The following ADGRB3 variants were observed in gnomAD, a reference collection of about 807,000 sequenced individuals.
ADGRB3 encodes brain-specific angiogenesis inhibitor 3.
ADGRB3 carries 37 observed loss-of-function variants against 193.4 expected under a neutral mutation model. That is an observed-to-expected ratio of 0.19 (90% confidence interval 0.15 to 0.25). The LOEUF is 0.25. ADGRB3 is among the 10% of genes least tolerant of loss of function. ADGRB3 has a pLI of 1.00. For synonymous variants in ADGRB3, 690 were observed against 644.2 expected, an observed-to-expected ratio of 1.07 and a Z score of -1.08; for missense variants, 1,637 against 1,852.9, an observed-to-expected ratio of 0.88 and a Z score of 2.14.
At chr6:68,800,133 G>C (rs1767284067) in intron 3 of ADGRB3, among the ~76,000 whole-genome samples, 1 of 152,110 alleles carries the variant, frequency 6.6e-6, no homozygotes, top group African/African-American at 2.4e-5. Flanking sequence ...CTTGGACTAG[G>C]AAGATAGTGA....
At chr6:68,660,761 T>A (rs924586166) in intron 3 of ADGRB3, among the ~76,000 whole-genome samples, 3 of 151,158 alleles carry the variant, frequency 2.0e-5, no homozygotes, top group African/African-American at 7.3e-5. Flanking sequence ...GTAATTCCAA[T>A]TTTTAAGATC....
chr6:68,815,225 A>T (rs1185047886), intron 3 of ADGRB3, among the ~76,000 whole-genome samples: 1 of 152,128 alleles, frequency 6.6e-6, no homozygotes, highest in East Asian at 1.9e-4. Flanking sequence ...TGAGTGTTCA[A>T]TGGGGAGTTT....
intron 3 of ADGRB3, among the ~76,000 whole-genome samples, chr6:68,665,226 A>T (rs1389118324): frequency 1.3e-5 from 2 of 151,264 alleles, no homozygotes; most frequent in African/African-American, 4.9e-5. Flanking sequence ...TATAGAAATG[A>T]TCCCTGAAAG....
intron 3 of ADGRB3, among the ~76,000 whole-genome samples, chr6:68,815,723 C>T (rs564028361): frequency 2.6e-5 from 4 of 151,074 alleles, no homozygotes; most frequent in African/African-American, 7.3e-5. Context: ...AAATCATTGG[C>T]CTTCAATACA....
chr6:69,301,981 G>T (rs1767958260), intron 20 of ADGRB3, among the ~76,000 whole-genome samples: 1 of 151,898 alleles, frequency 6.6e-6, no homozygotes, highest in South Asian at 2.1e-4. Context: ...GCAAAGAATG[G>T]TTTGATGCTT....
intron 5 of ADGRB3, among the ~76,000 whole-genome samples, chr6:68,942,858 A>G (rs1367258494): frequency 6.6e-6 from 1 of 152,138 alleles, no homozygotes; most frequent in African/African-American, 2.4e-5. Context: ...TGATCTGCCC[A>G]TCTTGGCCTC....
At chr6:69,179,092 A>G (rs1285807830) in intron 17 of ADGRB3, among the ~76,000 whole-genome samples, 1 of 152,136 alleles carries the variant, frequency 6.6e-6, no homozygotes, top group Admixed American at 6.5e-5. Flanking sequence ...AGTAATTTGT[A>G]TGTTTGGTCA....
intron 3 of ADGRB3, among the ~76,000 whole-genome samples, chr6:68,727,094 G>A (rs1487028101): frequency 6.6e-6 from 1 of 151,470 alleles, no homozygotes; most frequent in Non-Finnish European, 1.5e-5. Context: ...TAAGCATTTG[G>A]GTTTGTGATC....
At chr6:69,253,825 C>T (rs1249897613) in intron 20 of ADGRB3, among the ~76,000 whole-genome samples, 1 of 152,058 alleles carries the variant, frequency 6.6e-6, no homozygotes, top group East Asian at 1.9e-4. Context: ...GATTTATTTT[C>T]TTTGAATTTC....
intron 3 of ADGRB3, among the ~76,000 whole-genome samples, chr6:68,745,296 A>C (rs1766061877): frequency 1.3e-5 from 2 of 152,212 alleles, no homozygotes; most frequent in Admixed American, 1.3e-4. Context: ...CATAAGCAAC[A>C]ACATGGATGA....
intron 3 of ADGRB3, among the ~76,000 whole-genome samples, chr6:68,661,237 G>T (rs1426841590): frequency 6.8e-6 from 1 of 146,610 alleles, no homozygotes; most frequent in East Asian, 2.0e-4. Flanking sequence ...AAAATGAGAA[G>T]ATTATTTAAG....
At chr6:69,318,960 C>T (rs1479797990) in intron 20 of ADGRB3, among the ~76,000 whole-genome samples, 1 of 150,696 alleles carries the variant, frequency 6.6e-6, no homozygotes, top group South Asian at 2.1e-4. Flanking sequence ...GCCAAGGTTT[C>T]GCTGCTTTAT....
At chr6:68,821,221 G>A (rs1582229273) in intron 3 of ADGRB3, among the ~76,000 whole-genome samples, 1 of 151,852 alleles carries the variant, frequency 6.6e-6, no homozygotes, top group East Asian at 1.9e-4. Context: ...ACCATGTCTT[G>A]CAGCAGTTAT....
chr6:69,212,208 T>C (rs1478550002), intron 17 of ADGRB3, among the ~76,000 whole-genome samples: 1 of 152,216 alleles, frequency 6.6e-6, no homozygotes, highest in Non-Finnish European at 1.5e-5. Context: ...TATTTGCCTG[T>C]GAAACGTGTT....
intron 3 of ADGRB3, among the ~76,000 whole-genome samples, chr6:68,850,955 G>A (rs548829582): frequency 1.3e-5 from 2 of 152,024 alleles, no homozygotes; most frequent in South Asian, 2.1e-4. Context: ...TCACATTTGA[G>A]CTCATTTTTG....
chr6:69,185,882 TA>T (rs528432733), intron 17 of ADGRB3, among the ~76,000 whole-genome samples: 132 of 152,220 alleles, frequency 8.7e-4, no homozygotes, highest in African/African-American at 3.1e-3. Flanking sequence ...GTATTTCCAA[TA>T]AAAAAATCTG....
intron 3 of ADGRB3, among the ~76,000 whole-genome samples, chr6:68,756,600 CA>C (rs768737835): frequency 6.6e-6 from 1 of 151,530 alleles, no homozygotes; most frequent in African/African-American, 2.4e-5. Context: ...TATTCAATAC[CA>C]AAAAAAATGA....
At chr6:68,762,957 A>G (rs1231198672) in intron 3 of ADGRB3, among the ~76,000 whole-genome samples, 1 of 152,244 alleles carries the variant, frequency 6.6e-6, no homozygotes, top group Admixed American at 6.5e-5. Flanking sequence ...TTTAAAACTT[A>G]GCCTGACTCC....
chr6:68,964,435 TCTCCCAGTGTGC>T (rs1027578327), intron 8 of ADGRB3, among the ~76,000 whole-genome samples: 2 of 152,072 alleles, frequency 1.3e-5, no homozygotes, highest in Non-Finnish European at 2.9e-5. Flanking sequence ...CTTGCCTACT[TCTCCCAGTGTGC>T]CTCCAAATAC....
Sources: allele counts gnomAD v4.1 joint callset (sites outside exome capture counted in the v4.1 genomes callset), GRCh38; gene constraint gnomAD v4.1.1; transcripts MANE v1.5; gene names NCBI Gene and HGNC (gene_info 2026-07-23, HGNC 2026-07-21).